Variants in FBXO16 observed in about 807,000 individuals in gnomAD.
FBXO16 encodes the protein F-box protein 16.
A neutral mutation model predicts 41.0 loss-of-function variants in FBXO16; 31 were observed. That is an observed-to-expected ratio of 0.76 (90% CI 0.57 to 1.02). The LOEUF (loss-of-function observed/expected upper bound fraction) is 1.02, where lower values mean the gene tolerates loss of function less well. Ranked by LOEUF, FBXO16 falls within the 50% of genes least tolerant of loss-of-function variation. The probability of loss-of-function intolerance (pLI) is 0.00; values close to 1 mark genes in which losing one functional copy is unlikely to be tolerated. For missense variants in FBXO16, 361 were observed against 346.2 expected (o/e 1.04, Z -0.34); for synonymous variants, 133 against 117.8 (o/e 1.13, Z -0.84).
intron 7 of FBXO16, among the ~76,000 whole-genome samples, chr8:28,432,244 T>C (rs1802618317): frequency 1.3e-5 from 2 of 151,564 alleles, no homozygotes; most frequent in East Asian, 3.9e-4. Context: ...GAGGCCGATG[T>C]GGGCGGATCA....
intron 7 of FBXO16, among the ~76,000 whole-genome samples, chr8:28,444,869 G>A (rs1802839057): frequency 7.5e-6 from 1 of 132,762 alleles, no homozygotes; most frequent in Non-Finnish European, 1.6e-5. Flanking sequence ...CTAACCTCGT[G>A]ATCCACCCAC....
intron 7 of FBXO16, among the ~76,000 whole-genome samples, chr8:28,444,689 C>A (rs1193450309): frequency 6.6e-6 from 1 of 150,818 alleles, no homozygotes; most frequent in Non-Finnish European, 1.5e-5. Context: ...ACCGTGTTAG[C>A]CAGGATGGTC....
At chr8:28,469,170 G>C (rs1803291744) in intron 3 of FBXO16, among the ~76,000 whole-genome samples, 1 of 152,092 alleles carries the variant, frequency 6.6e-6, no homozygotes, top group Admixed American at 6.6e-5. Flanking sequence ...AAAATTAGCT[G>C]GGCATGGTGG....
chr8:28,479,180 ACAAC>A (rs1347604249), intron 2 of FBXO16, among the ~76,000 whole-genome samples: 5 of 152,154 alleles, frequency 3.3e-5, no homozygotes, highest in African/African-American at 1.2e-4. Flanking sequence ...GTGTTTCTTT[ACAAC>A]CAATCTGAAG....
chr8:28,456,649 T>G, intron 5 of FBXO16, 117 bp downstream of exon 5: 1 of 1,144,852 alleles, frequency 8.7e-7, no homozygotes, highest in Non-Finnish European at 1.2e-6. Flanking sequence ...GAAATCATAG[T>G]ATATGTCCTT....
chr8:28,431,936 G>A (rs1802610791), intron 7 of FBXO16, among the ~76,000 whole-genome samples: 1 of 151,966 alleles, frequency 6.6e-6, no homozygotes, highest in Admixed American at 6.6e-5. Flanking sequence ...TTTTCTCAAA[G>A]TTACCAGGGT....
At position 28,476,277 on chromosome 8, in the gene FBXO16, C is replaced by A. The variant is rs372263032; in HGVS notation, c.100-2470G>T. The stretch of plus-strand genomic sequence containing the variant: ...AGACAAAGTCTAAACAGAGTCCACA[C>A]AAGTCCAGCTCTTTACCAGAAGGCA... On this transcript the variant is annotated intron_variant, in intron 2 of 8. Coordinates refer to ENST00000380254, the MANE Select transcript of FBXO16 (RefSeq NM_172366.4). Among the ~76,000 whole-genome samples the A allele has an allele frequency of 4.6e-5, 7 of 152,322 alleles. No homozygotes were observed. The East Asian group carries it at 5.8e-4, about 13-fold the overall frequency.
rs1298620094 is a variant in FBXO16 at position 28,463,822 on chromosome 8, G to A, written c.136-4C>T. ...GAGAGTCTGTCCATTTGTCAAACTG[G>A]AAACACAAAACAAAGCAAAATGTAA... On this transcript the variant is annotated splice_polypyrimidine_tract_variant and splice_region_variant and intron_variant, in intron 3 of 8. Coordinates refer to ENST00000380254, the MANE Select transcript of FBXO16 (RefSeq NM_172366.4). 1.9e-6 allele frequency: 3 copies of A among 1,612,704 alleles called. No individual in the cohort carries two copies. The African/African-American group carries it at 4.0e-5, about 22-fold the overall frequency.
chr8:28,446,677 G>C (rs747694300), intron 7 of FBXO16, among the ~76,000 whole-genome samples: 1 of 151,846 alleles, frequency 6.6e-6, no homozygotes, highest in Non-Finnish European at 1.5e-5. Context: ...TTGGAGACCA[G>C]TCTGGTCAAC....
chr8:28,485,421 C>A (rs948530587), intron 1 of FBXO16, among the ~76,000 whole-genome samples: 8 of 152,178 alleles, frequency 5.3e-5, no homozygotes, highest in Admixed American at 1.3e-4. Context: ...GATCTGCACA[C>A]CTCAGCCTCC....
At chr8:28,487,803 G>C (rs1193002960) in intron 1 of FBXO16, among the ~76,000 whole-genome samples, 1 of 151,516 alleles carries the variant, frequency 6.6e-6, no homozygotes, top group Non-Finnish European at 1.5e-5. Flanking sequence ...TTGCTTTTTT[G>C]TGATCTCCTT....
intron 4 of FBXO16, among the ~76,000 whole-genome samples, chr8:28,460,245 A>ATATTT (rs1477457728): frequency 2.1e-4 from 18 of 85,442 alleles, no homozygotes; most frequent in African/African-American, 1.0e-3. Context: ...ATATATATAT[A>ATATTT]TTTTTTTTTT....
intron 1 of FBXO16, among the ~76,000 whole-genome samples, chr8:28,488,264 C>A (rs988773718): frequency 6.6e-6 from 1 of 150,512 alleles, no homozygotes; most frequent in Non-Finnish European, 1.5e-5. Context: ...GGTCCCCTGG[C>A]CACATACTTC....
At chr8:28,469,656 C>T (rs1803300022) in intron 3 of FBXO16, among the ~76,000 whole-genome samples, 2 of 152,144 alleles carry the variant, frequency 1.3e-5, no homozygotes, top group African/African-American at 4.8e-5. Flanking sequence ...GTAATACTAG[C>T]ACTTTGGGAG....
intron 7 of FBXO16, among the ~76,000 whole-genome samples, chr8:28,430,644 T>C (rs1373181519): frequency 6.6e-6 from 1 of 152,222 alleles, no homozygotes; most frequent in Non-Finnish European, 1.5e-5. Flanking sequence ...AAGCTTCCTC[T>C]ATGCTCTTTT....
intron 2 of FBXO16, among the ~76,000 whole-genome samples, chr8:28,478,293 A>G (rs1482701686): frequency 6.6e-6 from 1 of 152,158 alleles, no homozygotes; most frequent in Non-Finnish European, 1.5e-5. Flanking sequence ...GTTCCCCTCC[A>G]GAACTGAAGG....
chr8:28,473,816 A>G lies in FBXO16; in HGVS notation c.100-9T>C. 4 of 1,592,222 alleles carry G rather than the reference A, an allele frequency of 2.5e-6. No individual in the cohort carries two copies. The highest frequency in any genetic ancestry group is 3.4e-6 in the Non-Finnish European group (4 of 1,164,810). On this transcript the variant is annotated splice_polypyrimidine_tract_variant and intron_variant, in intron 2 of 8. Transcript: ENST00000380254. ...CTTCTTTCTTCAAATACCTACAGTA[A>G]GTAAAAAAGAATATGGTAATTTCAT...
chr8:28,447,236 G>C lies in FBXO16; in HGVS notation c.778C>G (p.Arg260Gly), dbSNP rs776550852. The change falls in exon 7 of 9, where the codon CGA (arginine) becomes GGA (glycine). Residue 260 changes from arginine to glycine, a missense_variant. Arg to Gly is a moderately radical substitution (Grantham distance 125). Transcript: ENST00000380254. Reference protein sequence around the residue: ...KRNQMTPDFSRQSHDKKNKLQ... With the variant: ...KRNQMTPDFSGQSHDKKNKLQ... ...TTATTTTTCTTATCATGTGACTGTC[G>C]GCTGAAGTCTGGGGTCATTTGGTTT... is the stretch of plus-strand genomic sequence containing the variant. The C allele has an allele frequency of 8.7e-6, 14 of 1,613,550 alleles. 1 individual carries two copies. The highest frequency in any genetic ancestry group is 3.3e-4 in the Middle Eastern group (2 of 6,060).
rs544760858 is a variant in FBXO16 at position 28,432,427 on chromosome 8, T to C, written c.844-3024A>G. On this transcript the variant is annotated intron_variant, in intron 7 of 8. Coordinates refer to ENST00000380254, the MANE Select transcript of FBXO16 (RefSeq NM_172366.4). ...AGTCGGAGGTTGCAGTGAGCCAAGA[T>C]TGCACCACTGCACTCCAGCCTGGGC... Among the ~76,000 whole-genome samples the C allele has an allele frequency of 8.6e-5, 13 of 151,734 alleles. No homozygotes were observed. In the South Asian group the frequency reaches 1.2e-3, roughly 15 times the overall value.
Sources: allele counts gnomAD v4.1 joint callset (sites outside exome capture counted in the v4.1 genomes callset), GRCh38; gene constraint gnomAD v4.1.1; transcripts MANE v1.5; gene names NCBI Gene and HGNC (gene_info 2026-07-23, HGNC 2026-07-21).